COMMD7: variants seen among roughly 807,000 people sequenced by gnomAD.
COMMD7 encodes the protein COMM domain-containing protein 7.
In COMMD7, 28 loss-of-function variants were observed where a neutral mutation model predicts 34.8. That is an observed-to-expected ratio of 0.80 (90% confidence interval 0.60 to 1.10). COMMD7 has a LOEUF of 1.10. Ranked by LOEUF, COMMD7 falls within the 50% of genes least tolerant of loss-of-function variation. The pLI is 0.00. For synonymous variants in COMMD7, 80 were observed against 86.4 expected (o/e 0.93, Z 0.41); for missense variants, 211 against 241.6 (o/e 0.87, Z 0.84).
chr20:32,705,374 A>ATTT (rs1234273709), intron 5 of COMMD7, among the ~76,000 whole-genome samples: 1 of 93,180 alleles, frequency 1.1e-5, no homozygotes, highest in Non-Finnish European at 2.3e-5. Flanking sequence ...ATATATATAT[A>ATTT]TATTTTTTTT....
intron 3 of COMMD7, among the ~76,000 whole-genome samples, chr20:32,716,546 C>G (rs1472426010): frequency 6.6e-6 from 1 of 152,102 alleles, no homozygotes; most frequent in Non-Finnish European, 1.5e-5. Context: ...ACCCGGGAGG[C>G]GGAGCTTGCA....
At chr20:32,721,373 G>A (rs1985145214) in intron 3 of COMMD7, among the ~76,000 whole-genome samples, 1 of 152,198 alleles carries the variant, frequency 6.6e-6, no homozygotes, top group African/African-American at 2.4e-5. Context: ...ACTTTGGGAG[G>A]CCAAGGCAGG....
At chr20:32,726,643 C>A (rs1398505765) in intron 3 of COMMD7, among the ~76,000 whole-genome samples, 1 of 151,980 alleles carries the variant, frequency 6.6e-6, no homozygotes, top group Admixed American at 6.6e-5. Context: ...GTGGAGGTTG[C>A]GGTGAGCCAA....
chr20:32,739,661 AAAAT>A lies in COMMD7; in HGVS notation c.84+3643_84+3646del, dbSNP rs983034991. Among the ~76,000 whole-genome samples the A allele has an allele frequency of 3.1e-4, 42 of 136,450 alleles. 9 individuals carry two copies. The highest frequency in any genetic ancestry group is 1.2e-3 in the African/African-American group (42 of 36,022). The allele number at this position is 136,450 out of a possible 152,430, so 89.5% of individuals were successfully genotyped here. ...CTCTGTATCAAAAAAAAAAAAAAAAAAAATACATAAAAGCACTTAGATCCCTATT... is the reference window on the plus strand; with the variant it reads ...CTCTGTATCAAAAAAAAAAAAAAAAAACATAAAAGCACTTAGATCCCTATT... On this transcript the variant is annotated intron_variant, in intron 1 of 8. Transcript: ENST00000278980.
intron 5 of COMMD7, among the ~76,000 whole-genome samples, chr20:32,705,376 A>ATATATAT (rs1335467096): frequency 2.4e-5 from 3 of 125,460 alleles, no homozygotes; most frequent in African/African-American, 1.0e-4. Flanking sequence ...ATATATATAT[A>ATATATAT]TTTTTTTTTT....
intron 3 of COMMD7, among the ~76,000 whole-genome samples, chr20:32,709,496 A>G (rs1403320529): frequency 6.6e-6 from 1 of 151,736 alleles, no homozygotes; most frequent in Non-Finnish European, 1.5e-5. Context: ...GGTTGCCGTG[A>G]GCCGAGATCT....
At chr20:32,716,862 T>C (rs1019014709) in intron 3 of COMMD7, among the ~76,000 whole-genome samples, 2 of 151,132 alleles carry the variant, frequency 1.3e-5, no homozygotes, top group Non-Finnish European at 1.5e-5. Flanking sequence ...TTAGTAACTT[T>C]TTTTTTTTTT....
chr20:32,735,224 C>T (rs1420111257), intron 1 of COMMD7, among the ~76,000 whole-genome samples: 15 of 118,380 alleles, frequency 1.3e-4, no homozygotes, highest in Admixed American at 9.3e-4. Flanking sequence ...GGCAACAGCG[C>T]GAGACTCAAA....
rs377281207 is a variant in COMMD7 at position 32,712,727 on chromosome 20, C to CTTT, written c.242-5970_242-5968dup. ...AACACAGATAACTTTGAGATGGTCC[C>CTTT]TTTTTTTTTTTTGACACGGAGACTT... On this transcript the variant is annotated intron_variant, in intron 3 of 8. Transcript: ENST00000278980. Among the ~76,000 whole-genome samples the CTTT allele has an allele frequency of 2.1e-3, 273 of 130,216 alleles. 1 individual carries two copies. Among genetic ancestry groups the CTTT allele is most frequent in the African/African-American group, 7.3e-3 (255 of 35,054 alleles). The allele number at this position is 130,216 out of a possible 152,430, so 85.4% of individuals were successfully genotyped here. A position where few individuals can be genotyped will look rare whatever the true frequency, so the allele number is the denominator to read the frequency against.
At chr20:32,715,050 A>G (rs940525020) in intron 3 of COMMD7, among the ~76,000 whole-genome samples, 7 of 150,946 alleles carry the variant, frequency 4.6e-5, no homozygotes, top group African/African-American at 1.7e-4. Flanking sequence ...ATAAATAAAT[A>G]AATGAAATAA....
intron 3 of COMMD7, among the ~76,000 whole-genome samples, chr20:32,709,399 CAAA>C (rs60023181): frequency 3.0e-4 from 42 of 142,080 alleles, no homozygotes; most frequent in Middle Eastern, 3.5e-3. Context: ...AACTCTGTCT[CAAA>C]AAAAAAAAAA....
chr20:32,737,849 A>AAAG, intron 1 of COMMD7, among the ~76,000 whole-genome samples: 1 of 151,534 alleles, frequency 6.6e-6, no homozygotes, highest in South Asian at 2.1e-4. Context: ...AAAAAAAAAA[A>AAAG]AGAAAATGAG....
intron 1 of COMMD7, among the ~76,000 whole-genome samples, chr20:32,731,183 T>C (rs1985812104): frequency 6.6e-6 from 1 of 151,948 alleles, no homozygotes; most frequent in African/African-American, 2.4e-5. Flanking sequence ...CCAGGCAAGG[T>C]GGCATGCTCC....
intron 1 of COMMD7, among the ~76,000 whole-genome samples, chr20:32,740,380 A>G (rs764062022): frequency 6.6e-6 from 1 of 152,106 alleles, no homozygotes; most frequent in Non-Finnish European, 1.5e-5. Flanking sequence ...CACCAGATTT[A>G]GAAAACTTTG....
rs1287385626 is a variant in COMMD7 at position 32,740,173 on chromosome 20, C to T, written c.84+3135G>A. 3.8e-5 allele frequency among the ~76,000 whole-genome samples: 5 copies of T among 130,882 alleles called. 2 individuals are homozygous for T. Among genetic ancestry groups the T allele is most frequent in the Non-Finnish European group, 6.6e-5 (4 of 60,880 alleles). 85.9% of individuals were successfully genotyped at this position (130,882 alleles called of 152,430 possible). On this transcript the variant is annotated intron_variant, in intron 1 of 8. Transcript: ENST00000278980. ...TCTATTAAAAATATAAAAAATCAGC[C>T]GGGCATGGTCGCAGGCAGCTGTAGT...
intron 3 of COMMD7, among the ~76,000 whole-genome samples, chr20:32,720,702 A>G (rs935357962): frequency 3.3e-5 from 5 of 152,164 alleles, no homozygotes; most frequent in Admixed American, 6.6e-5. Context: ...GCTACTCAGG[A>G]GGCTGAAGCA....
intron 7 of COMMD7, 58 bp from the exon 8 acceptor site, chr20:32,704,129 T>C: frequency 7.2e-7 from 1 of 1,380,818 alleles, no homozygotes. Context: ...GCAAAGAAAT[T>C]CTTAAAACCC....
At chr20:32,708,139 G>GCAAAAC (rs1984210597) in intron 3 of COMMD7, among the ~76,000 whole-genome samples, 1 of 152,128 alleles carries the variant, frequency 6.6e-6, no homozygotes, top group African/African-American at 2.4e-5. Flanking sequence ...CTTCCCTGTG[G>GCAAAAC]TGGTCACCTT....
Position 32,704,496 on chromosome 20 carries a change from C to CAAAA in COMMD7, c.428-11_428-8dup. 2.1e-6 allele frequency: 3 copies of CAAAA among 1,403,776 alleles called. No homozygotes were observed. The highest frequency in any genetic ancestry group is 5.1e-5 in the Admixed American group (2 of 39,440). 87.0% of individuals were successfully genotyped at this position (1,403,776 alleles called of 1,614,324 possible). On this transcript the variant is annotated splice_polypyrimidine_tract_variant and splice_region_variant and intron_variant, in intron 6 of 8. Transcript: ENST00000278980. ...TCGCTGCTCCCAGATGTCACTGTGA[C>CAAAA]AAAAAAAAAAAAAAAGAGAGAGAGA...
Sources: gnomAD v4.1 joint callset for allele counts (sites outside exome capture counted in the v4.1 genomes callset) on GRCh38, gnomAD v4.1.1 for gene constraint, MANE v1.5 for transcripts, NCBI Gene and HGNC (gene_info 2026-07-23, HGNC 2026-07-21) for gene names.